PLPPR5: variants seen among roughly 807,000 people sequenced by gnomAD.
The protein encoded by PLPPR5 is phospholipid phosphatase related 5, also known as phospholipid phosphatase-related protein type 5.
In PLPPR5, 16 loss-of-function variants were observed where a neutral mutation model predicts 33.9. The ratio of observed to expected loss-of-function variants is 0.47; its 90% CI spans 0.32 to 0.72. The LOEUF (loss-of-function observed/expected upper bound fraction) is 0.72. Ranked by LOEUF, PLPPR5 falls within the 30% of genes least tolerant of loss-of-function variation. PLPPR5 has a pLI of 0.03. For synonymous variants in PLPPR5, 163 were observed against 150.3 expected (o/e 1.08, Z -0.62); for missense variants, 301 against 406.7 (o/e 0.74, Z 2.23).
At position 98,953,313 on chromosome 1, in the gene PLPPR5, A is replaced by G. The variant is rs768081838; in HGVS notation, c.378T>C (p.Tyr126=). ...VRRTVRFLGI[Y]TFGLFATDIF... is the part of the protein sequence containing the mutation. ...TATCTGTAGCAAACAGTCCAAATGT[A>G]TAAATTCCTGGGGAAGAAAACAAAT... Residue 126 remains tyrosine (Y), a synonymous_variant, in exon 3 of 6, where the codon TAT becomes TAC. Transcript: ENST00000263177. The G allele has an allele frequency of 1.2e-6, 2 of 1,613,522 alleles. No individual in the cohort carries two copies. Among genetic ancestry groups the G allele is most frequent in the Non-Finnish European group, 1.7e-6 (2 of 1,179,802 alleles).
chr1:98,955,851 C>T (rs1198813412), intron 2 of PLPPR5, among the ~76,000 whole-genome samples: 2 of 152,020 alleles, frequency 1.3e-5, no homozygotes, highest in Non-Finnish European at 2.9e-5. Flanking sequence ...TTATTTTTAT[C>T]TGATAAATCC....
At position 98,995,266 on chromosome 1, in the gene PLPPR5, T is replaced by C. The variant is rs367669235; in HGVS notation, c.237+9169A>G. 3.7e-4 allele frequency among the ~76,000 whole-genome samples: 56 copies of C among 152,002 alleles called. No individual in the cohort carries two copies. The East Asian group carries it at 7.0e-3, about 19-fold the overall frequency. On this transcript the variant is annotated intron_variant, in intron 1 of 5. Transcript: ENST00000263177. ...ACGGAATCAACTTAAACACTGAGTA[T>C]ATATGGACACAAAGAAGGAAACAAT... is the stretch of plus-strand genomic sequence containing the variant.
At chr1:98,897,770 A>G (rs1210920657) in intron 5 of PLPPR5, among the ~76,000 whole-genome samples, 1 of 152,106 alleles carries the variant, frequency 6.6e-6, no homozygotes, top group Non-Finnish European at 1.5e-5. Flanking sequence ...TTAGCAAGCA[A>G]TTTAACCTTT....
intron 5 of PLPPR5, among the ~76,000 whole-genome samples, chr1:98,913,763 G>A (rs943395239): frequency 6.6e-5 from 10 of 152,298 alleles, no homozygotes; most frequent in African/African-American, 1.4e-4. Context: ...GAACAGGACC[G>A]AAGAGAAGCC....
chr1:98,963,707 G>A (rs538959905), intron 1 of PLPPR5, among the ~76,000 whole-genome samples: 41 of 152,084 alleles, frequency 2.7e-4, no homozygotes, highest in Non-Finnish European at 5.0e-4. Flanking sequence ...TCACACCCTG[G>A]AGTCCTACCA....
chr1:98,933,641 C>T (rs12071288), intron 3 of PLPPR5, among the ~76,000 whole-genome samples: 9,319 of 152,138 alleles, frequency 0.061, 983 homozygotes, highest in African/African-American at 0.21. Context: ...TACTTGGCAG[C>T]TCCAATTATG....
Position 99,001,671 on chromosome 1 carries a change from G to GATAGATAGATAGATAT in PLPPR5, c.237+2763_237+2764insATATCTATCTATCTAT, listed in dbSNP as rs1247519605. Among the ~76,000 whole-genome samples the GATAGATAGATAGATAT allele has an allele frequency of 5.5e-4, 56 of 102,188 alleles. No individual in the cohort carries two copies. The East Asian group carries it at 0.014, about 26-fold the overall frequency. 67.0% of individuals were successfully genotyped at this position (102,188 alleles called of 152,430 possible). A position where few individuals can be genotyped will look rare whatever the true frequency, so the allele number is the denominator to read the frequency against. On this transcript the variant is annotated intron_variant, in intron 1 of 5. Coordinates refer to ENST00000263177, the MANE Select transcript of PLPPR5 (RefSeq NM_001037317.2). Reference sequence around the variant, plus strand: ...ACTAGAAATGAGTTTGAAAGTTAAAGATATATATATATATATATATATATA... The same window carrying GATAGATAGATAGATAT: ...ACTAGAAATGAGTTTGAAAGTTAAAGATAGATAGATAGATATATATATATATATATATATATATATA...
At chr1:98,979,676 T>C (rs900003065) in intron 1 of PLPPR5, among the ~76,000 whole-genome samples, 1 of 152,080 alleles carries the variant, frequency 6.6e-6, no homozygotes, top group African/African-American at 2.4e-5. Flanking sequence ...GATGGATTTC[T>C]GGCCTCCAAC....
intron 3 of PLPPR5, among the ~76,000 whole-genome samples, chr1:98,937,251 A>G (rs1650203386): frequency 6.6e-6 from 1 of 152,208 alleles, no homozygotes; most frequent in Non-Finnish European, 1.5e-5. Flanking sequence ...CAGTGATAAC[A>G]TACTCCTGCC....
intron 1 of PLPPR5, among the ~76,000 whole-genome samples, chr1:98,967,675 T>C (rs897760344): frequency 5.3e-5 from 8 of 152,036 alleles, no homozygotes; most frequent in Admixed American, 2.0e-4. Flanking sequence ...ATGGAAACAA[T>C]AGAAATAATG....
intron 5 of PLPPR5, among the ~76,000 whole-genome samples, chr1:98,905,631 C>A (rs1352923674): frequency 6.6e-5 from 10 of 151,886 alleles, no homozygotes; most frequent in Admixed American, 4.6e-4. Flanking sequence ...TCTTATATAT[C>A]TTCTACTTAA....
intron 1 of PLPPR5, among the ~76,000 whole-genome samples, chr1:98,967,082 G>A (rs1187818018): frequency 1.3e-5 from 2 of 152,066 alleles, no homozygotes; most frequent in East Asian, 3.9e-4. Context: ...TGTTAAAAGG[G>A]ATTTTTAGAT....
At chr1:98,921,858 A>G (rs1362839718) in intron 4 of PLPPR5, 24 bp downstream of exon 4, 3 of 1,576,178 alleles carry the variant, frequency 1.9e-6, no homozygotes, top group Non-Finnish European at 2.6e-6. Flanking sequence ...AAACCCAATG[A>G]TATATAAATA....
chr1:98,993,831 G>T (rs1652540007), intron 1 of PLPPR5, among the ~76,000 whole-genome samples: 1 of 152,058 alleles, frequency 6.6e-6, no homozygotes, highest in African/African-American at 2.4e-5. Flanking sequence ...GTTTCTGCTG[G>T]TACTATCAAA....
chr1:98,956,766 G>A (rs1003929420), intron 1 of PLPPR5, 25 bp from the exon 2 acceptor site: 2 of 1,501,380 alleles, frequency 1.3e-6, no homozygotes, highest in African/African-American at 2.9e-5. Context: ...AAAGATTAAG[G>A]AATATTAGAA....
At chr1:98,956,380 A>G (rs1336720495) in intron 2 of PLPPR5, among the ~76,000 whole-genome samples, 1 of 152,122 alleles carries the variant, frequency 6.6e-6, no homozygotes, top group African/African-American at 2.4e-5. Flanking sequence ...TTTTAGGGGA[A>G]CAGGTGGTGT....
rs1025386555 is a variant in PLPPR5, at chr1:98,956,672, T to A, written c.307A>T (p.Thr103Ser). The change falls in exon 2 of 6, where the codon ACT becomes TCT. Residue 103 changes from threonine (T) to serine (S), a missense_variant. Thr to Ser is a moderately conservative substitution (Grantham distance 58). Coordinates refer to ENST00000263177, the MANE Select transcript of PLPPR5 (RefSeq NM_001037317.2). Reference protein sequence around the residue: ...ATRDFENQEKTILTGDCCYIN... With the variant: ...ATRDFENQEKSILTGDCCYIN... ...TAGCAACAGTCTCCAGTTAAAATAG[T>A]TTTTTCCTGGTTTTCAAAATCCCTT... 12 of 1,601,944 alleles carry A rather than the reference T, an allele frequency of 7.5e-6. No homozygotes were observed. The highest frequency in any genetic ancestry group is 1.0e-5 in the Non-Finnish European group (12 of 1,175,476).
chr1:98,948,280 G>T (rs1233639446), intron 3 of PLPPR5, among the ~76,000 whole-genome samples: 1 of 152,162 alleles, frequency 6.6e-6, no homozygotes, highest in African/African-American at 2.4e-5. Context: ...TGTGAGCAGT[G>T]ATTGTTGTGC....
intron 3 of PLPPR5, among the ~76,000 whole-genome samples, chr1:98,949,106 A>C (rs184477004): frequency 6.6e-6 from 1 of 152,280 alleles, no homozygotes; most frequent in Admixed American, 6.5e-5. Flanking sequence ...TAATTGAAAA[A>C]AACTTTACCC....
Sources: allele counts gnomAD v4.1 joint callset (sites outside exome capture counted in the v4.1 genomes callset), GRCh38; gene constraint gnomAD v4.1.1; transcripts MANE v1.5; gene names NCBI Gene and HGNC (gene_info 2026-07-23, HGNC 2026-07-21).